GALNT13: variants seen among roughly 807,000 people sequenced by gnomAD.
The protein encoded by GALNT13 is polypeptide N-acetylgalactosaminyltransferase 13.
In GALNT13, 28 loss-of-function variants were observed where a neutral mutation model predicts 64.2. That is an observed-to-expected ratio of 0.44 (90% CI 0.32 to 0.60). The LOEUF (loss-of-function observed/expected upper bound fraction) is 0.60. Ranked by LOEUF, GALNT13 falls within the 20% of genes least tolerant of loss-of-function variation. GALNT13 has a pLI of 0.05. For synonymous variants in GALNT13, 214 were observed against 224.6 expected, an observed-to-expected ratio of 0.95 and a Z score of 0.42; for missense variants, 577 against 669.8, an observed-to-expected ratio of 0.86 and a Z score of 1.53.
At chr2:153,684,424 A>AT in the GALNT13 span, among the ~76,000 whole-genome samples, 4 of 151,416 alleles carry the variant, frequency 2.6e-5, no homozygotes, top group African/African-American at 7.3e-5. Context: ...TAATGTAACT[A>AT]TTTTTTTTCT....
intron 3 of GALNT13, among the ~76,000 whole-genome samples, chr2:154,103,391 T>C (rs1702448774): frequency 2.6e-5 from 4 of 152,196 alleles, no homozygotes; most frequent in Admixed American, 2.0e-4. Context: ...TATGAATTGA[T>C]TCATTTATTA....
the GALNT13 span, among the ~76,000 whole-genome samples, chr2:153,687,242 A>C: frequency 2.0e-5 from 3 of 151,856 alleles, no homozygotes; most frequent in African/African-American, 7.3e-5. Context: ...TGTACACCTG[A>C]TAGAATTCAG....
chr2:154,403,838 C>T (rs926005104), intron 10 of GALNT13, among the ~76,000 whole-genome samples: 1 of 152,170 alleles, frequency 6.6e-6, no homozygotes, highest in Middle Eastern at 3.2e-3. Flanking sequence ...CAAACACTGC[C>T]TCCCTGTCTG....
intron 1 of GALNT13, among the ~76,000 whole-genome samples, chr2:153,896,095 T>TTTTTTTTTTTTTTTTGAGA (rs1687874398): frequency 6.3e-5 from 6 of 95,380 alleles, no homozygotes; most frequent in Admixed American, 2.0e-4. Flanking sequence ...TTATGTTTTT[T>TTTTTTTTTTTTTTTTGAGA]CCTAAATTAA....
intron 2 of GALNT13, among the ~76,000 whole-genome samples, chr2:153,911,147 A>G (rs554911075): frequency 3.3e-5 from 5 of 152,210 alleles, no homozygotes; most frequent in South Asian, 2.1e-4. Flanking sequence ...GGTCTTGTCA[A>G]CCTGAATCCT....
At chr2:153,539,312 G>A in the GALNT13 span, among the ~76,000 whole-genome samples, 1 of 151,930 alleles carries the variant, frequency 6.6e-6, no homozygotes, top group Non-Finnish European at 1.5e-5. Context: ...AGATGAGTAG[G>A]TTGCGAAAAT....
chr2:153,635,953 T>A, the GALNT13 span, among the ~76,000 whole-genome samples: 3 of 152,106 alleles, frequency 2.0e-5, no homozygotes. Flanking sequence ...ATGTATTAAA[T>A]AGAAGCTAAA....
chr2:153,576,160 C>G, the GALNT13 span, among the ~76,000 whole-genome samples: 1 of 152,006 alleles, frequency 6.6e-6, no homozygotes. Context: ...ACTCTTTCCT[C>G]TCCTCTCCTC....
chr2:153,924,448 T>A (rs923552929), intron 2 of GALNT13, among the ~76,000 whole-genome samples: 1 of 152,192 alleles, frequency 6.6e-6, no homozygotes, highest in Admixed American at 6.6e-5. Flanking sequence ...ATTTTCTTTA[T>A]CCAGTCTATT....
the GALNT13 span, among the ~76,000 whole-genome samples, chr2:153,863,082 G>T: frequency 1.3e-5 from 2 of 152,020 alleles, no homozygotes; most frequent in Admixed American, 1.3e-4. Context: ...CAAAATTTGT[G>T]ACACTCCACT....
intron 8 of GALNT13, among the ~76,000 whole-genome samples, chr2:154,280,119 A>G (rs1691880634): frequency 6.6e-6 from 1 of 152,216 alleles, no homozygotes; most frequent in South Asian, 2.1e-4. Context: ...ATTAAAAGCC[A>G]GGAGAAAGGC....
At chr2:154,290,424 G>A (rs2105959412) in intron 8 of GALNT13, among the ~76,000 whole-genome samples, 1 of 152,340 alleles carries the variant, frequency 6.6e-6, no homozygotes, top group African/African-American at 2.4e-5. Context: ...CTCTTGCCGG[G>A]GTAGACTGAG....
chr2:153,648,845 A>C, the GALNT13 span, among the ~76,000 whole-genome samples: 1 of 151,912 alleles, frequency 6.6e-6, no homozygotes, highest in East Asian at 1.9e-4. Context: ...AAGCTTTTTG[A>C]TGTGTTGCTG....
intron 9 of GALNT13, among the ~76,000 whole-genome samples, chr2:154,338,866 A>G (rs1171200093): frequency 1.3e-5 from 2 of 152,022 alleles, no homozygotes; most frequent in Non-Finnish European, 2.9e-5. Flanking sequence ...GTTGTCTACT[A>G]TATCTAGGAA....
the GALNT13 span, among the ~76,000 whole-genome samples, chr2:153,203,565 G>C: frequency 2.0e-5 from 3 of 152,084 alleles, no homozygotes; most frequent in Non-Finnish European, 4.4e-5. Flanking sequence ...TTTTCCCCAT[G>C]GAAAATGGAT....
At chr2:153,348,713 C>G in the GALNT13 span, among the ~76,000 whole-genome samples, 1 of 152,144 alleles carries the variant, frequency 6.6e-6, no homozygotes, top group Non-Finnish European at 1.5e-5. Context: ...TTTAAAGAAA[C>G]TCATTAAAAT....
At chr2:153,408,438 GAGTA>G in the GALNT13 span, among the ~76,000 whole-genome samples, 1 of 151,636 alleles carries the variant, frequency 6.6e-6, no homozygotes, top group Admixed American at 6.6e-5. Flanking sequence ...GGAAGGAAGA[GAGTA>G]AGGGAGGGAA....
At chr2:153,592,839 G>A in the GALNT13 span, 37,143 of 152,130 alleles carry the variant, frequency 0.24, 5,523 homozygotes, top group African/African-American at 0.42. Flanking sequence ...GCCTGTTTGC[G>A]AGAGAAGCTT....
At chr2:154,243,303 C>T (rs1559044926) in intron 6 of GALNT13, among the ~76,000 whole-genome samples, 1 of 152,096 alleles carries the variant, frequency 6.6e-6, no homozygotes, top group Admixed American at 6.6e-5. Flanking sequence ...GAAGCCACAT[C>T]TAACTTGCTC....
Sources: gnomAD v4.1 joint callset for allele counts (sites outside exome capture counted in the v4.1 genomes callset) on GRCh38, gnomAD v4.1.1 for gene constraint, MANE v1.5 for transcripts, NCBI Gene and HGNC (gene_info 2026-07-23, HGNC 2026-07-21) for gene names.